Variants in HMCN1 observed in about 807,000 individuals in gnomAD.
HMCN1 encodes hemicentin 1.
Under a neutral mutation model 625.9 loss-of-function variants are expected in HMCN1, and 321 were observed. The ratio of observed to expected loss-of-function variants is 0.51; its 90% CI spans 0.47 to 0.56. The LOEUF is 0.56. HMCN1 is among the 20% of genes least tolerant of loss of function. The pLI is 0.00. For synonymous variants in HMCN1, 2,425 were observed against 2,417.6 expected (o/e 1.00, Z -0.09); for missense variants, 6,588 against 6,887.3 (o/e 0.96, Z 1.54).
rs183212712 is a variant in HMCN1 at position 185,837,867 on chromosome 1, G to A, written c.269-8159G>A. On this transcript the variant is annotated intron_variant, in intron 1 of 106. Coordinates refer to ENST00000271588, the MANE Select transcript of HMCN1 (RefSeq NM_031935.3). ...GGATCAGCCAGGAAACAGGAAACAG[G>A]AATTGTGTAATTTGAGTGAATTTAC... Among the ~76,000 whole-genome samples the A allele has an allele frequency of 6.6e-5, 10 of 152,314 alleles. No individual in the cohort carries two copies. The East Asian group carries it at 1.9e-3, about 29-fold the overall frequency.
chr1:185,923,319 C>A, intron 7 of HMCN1, 71 bp from the exon 8 acceptor site: 2 of 1,172,752 alleles, frequency 1.7e-6, no homozygotes, highest in Non-Finnish European at 2.5e-6. Flanking sequence ...TATTATCATG[C>A]AAATACTTAT....
At chr1:186,040,935 A>G (rs1390747122) in intron 39 of HMCN1, 78 bp from the exon 40 acceptor site, 2 of 1,544,656 alleles carry the variant, frequency 1.3e-6, no homozygotes, top group Non-Finnish European at 1.8e-6. Flanking sequence ...ATAAGCCTCA[A>G]AAAAATAAGA....
chr1:185,986,826 CAAAAA>C (rs1239432106), intron 19 of HMCN1, among the ~76,000 whole-genome samples: 1 of 60,300 alleles, frequency 1.7e-5, no homozygotes, highest in Non-Finnish European at 4.0e-5. Flanking sequence ...GACCCTGTCT[CAAAAA>C]AAAAAAAAAA....
chr1:186,049,773 A>G (rs76599927), intron 42 of HMCN1, among the ~76,000 whole-genome samples: 2,207 of 152,134 alleles, frequency 0.015, 51 homozygotes, highest in African/African-American at 0.05. Flanking sequence ...CTTTGTTCCA[A>G]TGGAGAACAA....
rs57584779 is a variant in HMCN1 at position 185,865,719 on chromosome 1, CTTT to C, written c.499-11_499-9del. 5.0e-5 allele frequency: 45 copies of C among 907,976 alleles called. No individual in the cohort carries two copies. The highest frequency in any genetic ancestry group is 3.0e-4 in the Middle Eastern group (1 of 3,340). The allele number at this position is 907,976 out of a possible 1,614,324, so 56.2% of individuals were successfully genotyped here. A position where few individuals can be genotyped will look rare whatever the true frequency, so the allele number is the denominator to read the frequency against. On this transcript the variant is annotated intron_variant, in intron 3 of 106. Transcript: ENST00000271588. ...TTTCTGGAAACCCTTTACACTGTTT[CTTT>C]TTTTTTTTTTAATCATAGGTCGTAT...
chr1:186,090,124 G>T (rs971205985), intron 63 of HMCN1, among the ~76,000 whole-genome samples: 3 of 151,864 alleles, frequency 2.0e-5, no homozygotes, highest in African/African-American at 7.2e-5. Context: ...ATATAGAATA[G>T]GAATTCAAAC....
At chr1:186,037,262 T>G (rs1655895800) in intron 36 of HMCN1, among the ~76,000 whole-genome samples, 1 of 152,160 alleles carries the variant, frequency 6.6e-6, no homozygotes, top group Non-Finnish European at 1.5e-5. Context: ...TCTCTCACAC[T>G]CCTTGAGATA....
chr1:185,841,719 G>C (rs143397033), intron 1 of HMCN1, among the ~76,000 whole-genome samples: 134 of 152,236 alleles, frequency 8.8e-4, no homozygotes, highest in African/African-American at 3.1e-3. Context: ...CATGCTGCTG[G>C]CACTTAGTAT....
At chr1:186,088,112 T>C (rs1659626606) in intron 61 of HMCN1, 33 bp from the exon 62 acceptor site, 1 of 1,602,860 alleles carries the variant, frequency 6.2e-7, no homozygotes, top group African/African-American at 1.4e-5. Flanking sequence ...TTTCTTCTGT[T>C]TTTTTGTTTG....
intron 68 of HMCN1, among the ~76,000 whole-genome samples, chr1:186,096,537 G>T (rs1034930177): frequency 1.3e-5 from 2 of 152,152 alleles, no homozygotes; most frequent in African/African-American, 4.8e-5. Context: ...GAGTAGATGT[G>T]ACTTCCATAG....
At chr1:185,785,223 C>T (rs1335471038) in intron 1 of HMCN1, among the ~76,000 whole-genome samples, 1 of 152,136 alleles carries the variant, frequency 6.6e-6, no homozygotes, top group Admixed American at 6.5e-5. Flanking sequence ...ATTGCCCAGG[C>T]TGCTTCTTAA....
At chr1:185,982,449 T>C in intron 18 of HMCN1, 60 bp downstream of exon 18, 1 of 1,527,784 alleles carries the variant, frequency 6.5e-7, no homozygotes, top group Non-Finnish European at 9.0e-7. Flanking sequence ...TTCTTTTTTT[T>C]TTTTTTTCTT....
At chr1:186,073,891 T>C (rs1658625145) in intron 52 of HMCN1, among the ~76,000 whole-genome samples, 1 of 151,972 alleles carries the variant, frequency 6.6e-6, no homozygotes. Flanking sequence ...AGCATAGTTA[T>C]TGGTAATTAT....
intron 68 of HMCN1, among the ~76,000 whole-genome samples, chr1:186,097,501 C>CA (rs34449166): frequency 0.031 from 4,399 of 143,186 alleles, 91 homozygotes; most frequent in Non-Finnish European, 0.05. Context: ...CAATAGCTAT[C>CA]AAAAAAAAAA....
At chr1:185,978,730 G>T (rs1168283252) in intron 16 of HMCN1, among the ~76,000 whole-genome samples, 2 of 152,022 alleles carry the variant, frequency 1.3e-5, no homozygotes, top group Non-Finnish European at 2.9e-5. Context: ...GCCCAGGCTG[G>T]AGTGCAGTGG....
At chr1:185,851,413 A>G (rs1662152150) in intron 2 of HMCN1, among the ~76,000 whole-genome samples, 5 of 152,178 alleles carry the variant, frequency 3.3e-5, no homozygotes. Context: ...AATTAACGTG[A>G]GAAAAAGCAA....
At chr1:186,107,253 T>C (rs955234148) in intron 70 of HMCN1, among the ~76,000 whole-genome samples, 7 of 152,138 alleles carry the variant, frequency 4.6e-5, no homozygotes, top group Admixed American at 2.0e-4. Flanking sequence ...GCCCGGCTAA[T>C]TTTTTGTATT....
intron 1 of HMCN1, among the ~76,000 whole-genome samples, chr1:185,786,460 A>T (rs1657574548): frequency 1.3e-5 from 2 of 152,158 alleles, no homozygotes; most frequent in African/African-American, 2.4e-5. Context: ...AGGCAAAGGG[A>T]GGCTAAGCTT....
At chr1:185,920,438 T>C (rs1001822146) in intron 6 of HMCN1, among the ~76,000 whole-genome samples, 2 of 152,332 alleles carry the variant, frequency 1.3e-5, no homozygotes, top group African/African-American at 2.4e-5. Context: ...TATTTTGTTA[T>C]TTATTACTCT....
Sources: allele counts gnomAD v4.1 joint callset (sites outside exome capture counted in the v4.1 genomes callset), GRCh38; gene constraint gnomAD v4.1.1; transcripts MANE v1.5; gene names NCBI Gene and HGNC (gene_info 2026-07-23, HGNC 2026-07-21).